Variants in COL27A1 observed in about 807,000 individuals in gnomAD.
COL27A1 encodes the protein collagen type XXVII alpha 1 chain.
A neutral mutation model predicts 251.3 loss-of-function variants in COL27A1; 106 were observed. That is an observed-to-expected ratio of 0.42 (90% CI 0.36 to 0.50). COL27A1 has a LOEUF of 0.50. Among genes scored for constraint, COL27A1 ranks in the 20% least tolerant of loss-of-function variants. The probability of loss-of-function intolerance (pLI) is 0.00; values close to 1 mark genes in which losing one functional copy is unlikely to be tolerated. For missense variants in COL27A1, 2,325 were observed against 2,522.8 expected, an observed-to-expected ratio of 0.92 and a Z score of 1.68; for synonymous variants, 1,000 against 986.3, an observed-to-expected ratio of 1.01 and a Z score of -0.26.
Position 114,231,820 on chromosome 9 carries a change from A to G in COL27A1, c.2521-2A>G. The G allele has an allele frequency of 6.2e-7, 1 of 1,614,174 alleles. No individual in the cohort carries two copies. On this transcript the variant is annotated splice_acceptor_variant, in intron 15 of 60. Coordinates refer to ENST00000356083, the MANE Select transcript of COL27A1 (RefSeq NM_032888.4). LOFTEE classifies it high-confidence loss of function. ...CAGCTGGCCTTGGGCTTTGTCTTGC[A>G]GGGACTGATGGGCAGCGTGGGGGAG...
chr9:114,251,811 G>T (rs1284025038), intron 25 of COL27A1, among the ~76,000 whole-genome samples: 4 of 152,202 alleles, frequency 2.6e-5, no homozygotes, highest in Non-Finnish European at 5.9e-5. Flanking sequence ...TTCCCTGACC[G>T]GCTCTGCCCC....
At chr9:114,203,785 G>A (rs1829737430) in intron 7 of COL27A1, among the ~76,000 whole-genome samples, 1 of 152,158 alleles carries the variant, frequency 6.6e-6, no homozygotes, top group African/African-American at 2.4e-5. Flanking sequence ...GTAAGTGCAT[G>A]GAGCTGTACA....
intron 34 of COL27A1, chr9:114,268,863 G>A (rs937607300): frequency 4.5e-5 from 8 of 178,294 alleles, no homozygotes; most frequent in Non-Finnish European, 7.0e-5. Context: ...TTGAGCCTGG[G>A]AGATCAAGGC....
intron 57 of COL27A1, 32 bp downstream of exon 57, chr9:114,304,705 C>A: frequency 6.3e-7 from 1 of 1,599,098 alleles, no homozygotes; most frequent in Non-Finnish European, 8.6e-7. Context: ...ATGTGGGATC[C>A]CTTCCTGGGA....
At chr9:114,160,155 ATTT>A (rs3034121) in intron 1 of COL27A1, among the ~76,000 whole-genome samples, 11,895 of 142,304 alleles carry the variant, frequency 0.084, 615 homozygotes, top group South Asian at 0.16. Flanking sequence ...TTTAAAGTCT[ATTT>A]TTTTTTTTTT....
rs1260062333 is a variant in COL27A1, at chr9:114,289,955, G to A, written c.4207-103G>A. ...CTTGGGTACATCTGTGGCATCAGAT[G>A]TTCACCCAGGGGCCCACAATCCTCT... On this transcript the variant is annotated intron_variant, in intron 45 of 60. Transcript: ENST00000356083. 1.5e-5 allele frequency: 19 copies of A among 1,306,748 alleles called. No individual in the cohort carries two copies. In the East Asian group the frequency reaches 2.8e-4, roughly 19 times the overall value. The allele number at this position is 1,306,748 out of a possible 1,614,324, so 80.9% of individuals were successfully genotyped here. A position where few individuals can be genotyped will look rare whatever the true frequency, so the allele number is the denominator to read the frequency against.
At chr9:114,272,254 C>T (rs1230421102) in intron 36 of COL27A1, 1 of 152,262 alleles carries the variant, frequency 6.6e-6, no homozygotes, top group Non-Finnish European at 1.5e-5. Context: ...AGGCACGAAG[C>T]AGCAGCCTTC....
chr9:114,280,139 A>T (rs1835812271), intron 37 of COL27A1, among the ~76,000 whole-genome samples: 1 of 152,186 alleles, frequency 6.6e-6, no homozygotes, highest in African/African-American at 2.4e-5. Flanking sequence ...ACAGTTGACA[A>T]TGTAGGTTCA....
At chr9:114,297,050 G>A (rs1828302003) in intron 49 of COL27A1, among the ~76,000 whole-genome samples, 1 of 152,188 alleles carries the variant, frequency 6.6e-6, no homozygotes, top group African/African-American at 2.4e-5. Flanking sequence ...GGAGATGGGA[G>A]GGTAGGCAGG....
chr9:114,261,722 G>T (rs892894530), intron 28 of COL27A1, among the ~76,000 whole-genome samples: 1 of 152,138 alleles, frequency 6.6e-6, no homozygotes, highest in Non-Finnish European at 1.5e-5. Context: ...GTGACGGGGA[G>T]CTCACTCCAT....
At chr9:114,236,168 A>G (rs2135456088) in intron 17 of COL27A1, among the ~76,000 whole-genome samples, 1 of 152,062 alleles carries the variant, frequency 6.6e-6, no homozygotes, top group Admixed American at 6.5e-5. Flanking sequence ...CCCTGCTCAG[A>G]GCCCTTTTTC....
intron 7 of COL27A1, among the ~76,000 whole-genome samples, chr9:114,204,868 C>A (rs1016237389): frequency 6.6e-6 from 1 of 152,178 alleles, no homozygotes; most frequent in Non-Finnish European, 1.5e-5. Context: ...CAGTGAATGA[C>A]CCTCCTGATG....
intron 32 of COL27A1, among the ~76,000 whole-genome samples, chr9:114,266,023 G>A (rs1162993968): frequency 6.6e-6 from 1 of 152,136 alleles, no homozygotes; most frequent in Non-Finnish European, 1.5e-5. Flanking sequence ...AGGTGTGGGG[G>A]GACAGTCCAG....
chr9:114,240,383 G>T, intron 20 of COL27A1, 51 bp from the exon 21 acceptor site: 1 of 1,602,028 alleles, frequency 6.2e-7, no homozygotes, highest in Non-Finnish European at 8.5e-7. Flanking sequence ...AGCCTGCGAT[G>T]GAGATGGAGG....
At chr9:114,296,225 A>C (rs1192105488) in intron 49 of COL27A1, among the ~76,000 whole-genome samples, 1 of 152,252 alleles carries the variant, frequency 6.6e-6, no homozygotes, top group East Asian at 1.9e-4. Context: ...AACATTTAAA[A>C]CTTTTGCTCT....
chr9:114,197,983 A>G (rs1564457258), intron 7 of COL27A1, among the ~76,000 whole-genome samples: 1 of 152,218 alleles, frequency 6.6e-6, no homozygotes, highest in Non-Finnish European at 1.5e-5. Context: ...ACCATTGTAG[A>G]TGGTCTTTCC....
At chr9:114,249,872 T>C (rs763368304) in intron 24 of COL27A1, among the ~76,000 whole-genome samples, 2 of 152,184 alleles carry the variant, frequency 1.3e-5, no homozygotes, top group African/African-American at 2.4e-5. Flanking sequence ...CCGGCTCAGT[T>C]TGTATTTTCC....
intron 24 of COL27A1, 87 bp from the exon 25 acceptor site, chr9:114,250,528 T>A (rs1833466580): frequency 7.8e-7 from 1 of 1,274,312 alleles, no homozygotes; most frequent in Middle Eastern, 2.0e-4. Flanking sequence ...GGGAGACACC[T>A]GGGAGATGAG....
At position 114,307,797 on chromosome 9, in the gene COL27A1, ACTGCCCACCAGGCTGT is replaced by A. The variant is rs1266950419; in HGVS notation, c.5217+25_5217+40del. On this transcript the variant is annotated intron_variant, in intron 59 of 60. Transcript: ENST00000356083. ...CTCCAAGGTACCCATCAGCTCCCACACTGCCCACCAGGCTGTCTGCCTCTATCCCCAGCCTGCCCTG... is the reference window on the plus strand; with the variant it reads ...CTCCAAGGTACCCATCAGCTCCCACACTGCCTCTATCCCCAGCCTGCCCTG... The A allele has an allele frequency of 6.4e-7, 1 of 1,568,174 alleles. No individual in the cohort carries two copies. Among genetic ancestry groups the A allele is most frequent in the South Asian group, 1.1e-5 (1 of 89,604 alleles).
Sources: gnomAD v4.1 joint callset for allele counts (sites outside exome capture counted in the v4.1 genomes callset) on GRCh38, gnomAD v4.1.1 for gene constraint, MANE v1.5 for transcripts, NCBI Gene and HGNC (gene_info 2026-07-23, HGNC 2026-07-21) for gene names.